Variants in ZNF219 observed in about 807,000 individuals in gnomAD.
ZNF219 encodes zinc finger protein 219.
ZNF219 carries 17 observed loss-of-function variants against 54.4 expected under a neutral mutation model. The ratio of observed to expected loss-of-function variants is 0.31; its 90% CI spans 0.21 to 0.47. ZNF219 has a LOEUF of 0.47. ZNF219 is among the 20% of genes least tolerant of loss of function. The pLI, the probability that ZNF219 is intolerant of heterozygous loss-of-function variation, is 1.00. For missense variants in ZNF219, 1,014 were observed against 1,062.3 expected (o/e 0.95, Z 0.63); for synonymous variants, 518 against 476.4 (o/e 1.09, Z -1.14).
chr14:21,099,546 G>A (rs573800499), upstream of ZNF219, among the ~76,000 whole-genome samples: 90 of 152,350 alleles, frequency 5.9e-4, no homozygotes, highest in African/African-American at 1.9e-3. Context: ...TGATGGGGCA[G>A]GAGTGGCTTA....
chr14:21,090,751 G>A lies in ZNF219; in HGVS notation c.1954C>T (p.Pro652Ser), dbSNP rs775590889. The A allele has an allele frequency of 7.5e-6, 12 of 1,606,548 alleles. No homozygotes were observed. The African/African-American group carries it at 1.5e-4, about 20-fold the overall frequency. The part of the protein sequence containing the change: ...GGALHRCLFC[P>S]FATGAPELMA... ...AGCTCTGGGGCTCCAGTGGCGAACGGGCAGAAGAGGCAGCGGTGGAGGGCA... is the reference window on the plus strand; with the variant it reads ...AGCTCTGGGGCTCCAGTGGCGAACGAGCAGAAGAGGCAGCGGTGGAGGGCA... Residue 652 changes from proline to serine, a missense_variant, in exon 5 of 5, where the codon CCG becomes TCG. This residue lies in a region of ZNF219 where 281 missense variants were observed against 271.2 expected (regional missense o/e 1.04). Transcript: ENST00000360947. This position sits in a 1 kb window ranked among gnomAD's most constrained non-coding sequence, Gnocchi z 4.4.
At position 21,090,891 on chromosome 14, in the gene ZNF219, G is replaced by C. The variant is rs1320525436; in HGVS notation, c.1814C>G (p.Ser605Cys). 7 of 1,550,178 alleles carry C rather than the reference G, an allele frequency of 4.5e-6. No individual in the cohort carries two copies. Among genetic ancestry groups the C allele is most frequent in the Non-Finnish European group, 6.1e-6 (7 of 1,150,460 alleles). Residue 605 changes from serine to cysteine, a missense_variant, in exon 5 of 5, where the codon TCC becomes TGC. Ser to Cys is a moderately radical substitution (Grantham distance 112). Transcript: ENST00000360947. The surrounding 1 kb of genome is among the most constrained non-coding windows in gnomAD (Gnocchi z 4.4). Reference sequence around the variant, plus strand: ...CCCAGGGCTGGCGGGCTTCCGACGGGACCCCGGCCCAGCACCGCTAGAAGG... The same window carrying C: ...CCCAGGGCTGGCGGGCTTCCGACGGCACCCCGGCCCAGCACCGCTAGAAGG... ...RPPSSGAGPG[S>C]RRKPASPGRT...
In ZNF219 at chr14:21,092,053, G is replaced by C. The variant is rs1419564822; in HGVS notation, c.1244C>G (p.Pro415Arg). Reference sequence around the variant, plus strand: ...CGCACGGTGCCGGCGAGCCCGGGCCGGGAGAGCAGAGGACAGCGGGCGGAA... The same window carrying C: ...CGCACGGTGCCGGCGAGCCCGGGCCCGGAGAGCAGAGGACAGCGGGCGGAA... Reference protein sequence around the residue: ...GGFRPLSSALPARARRHRAEE... With the variant: ...GGFRPLSSALRARARRHRAEE... The change falls in exon 3 of 5, where the codon CCG becomes CGG. Residue 415 changes from proline to arginine, a missense_variant. Around this residue, in one of 5 missense-constraint regions of ZNF219, gnomAD observed 272 missense variants for 248.9 expected, o/e 1.09. Transcript: ENST00000360947. 2 of 1,545,008 alleles carry C rather than the reference G, an allele frequency of 1.3e-6. No individual in the cohort carries two copies. The highest frequency in any genetic ancestry group is 2.0e-5 in the Admixed American group (1 of 50,386).
upstream of ZNF219, chr14:21,101,743 G>C: frequency 1.3e-6 from 1 of 768,922 alleles, no homozygotes; most frequent in East Asian, 2.7e-5. Context: ...CCTTGCTCTG[G>C]GTTGACTGCT....
upstream of ZNF219, chr14:21,101,585 G>A: frequency 1.2e-6 from 1 of 826,674 alleles, no homozygotes. Context: ...AATGGGAGGA[G>A]GGTAGAGGAA....
intron 1 of ZNF219, chr14:21,094,401 T>C (rs7149011): frequency 0.55 from 251,393 of 455,264 alleles, 74,723 homozygotes; most frequent in Non-Finnish European, 0.65. Flanking sequence ...CGTATAGGAT[T>C]CATCCCCTTG....
At chr14:21,101,701 A>G, upstream of ZNF219, 6 of 675,522 alleles carry the variant, frequency 8.9e-6, no homozygotes, top group Non-Finnish European at 1.2e-5. Context: ...GGCAGAAAAA[A>G]TTAAATGATA....
chr14:21,091,551 C>T lies in ZNF219; in HGVS notation c.1433-9G>A. The T allele has an allele frequency of 6.3e-7, 1 of 1,591,592 alleles. No individual in the cohort carries two copies. Among genetic ancestry groups the T allele is most frequent in the Non-Finnish European group, 8.6e-7 (1 of 1,162,464 alleles). ...CAACAGCCCATTCTCTTCTGCAACA[C>T]ATACGTTAAGAGGAAGTCAGGGGGG... On this transcript the variant is annotated splice_polypyrimidine_tract_variant and intron_variant, in intron 3 of 4. Coordinates refer to ENST00000360947, the MANE Select transcript of ZNF219 (RefSeq NM_016423.3).
At chr14:21,102,493 C>G (rs1045321026), upstream of ZNF219, 10 of 1,551,684 alleles carry the variant, frequency 6.4e-6, no homozygotes, top group South Asian at 1.2e-4. Flanking sequence ...GCCTTGGGGC[C>G]TGCCCCAACT....
At chr14:21,091,626 G>A in intron 3 of ZNF219, 84 bp from the exon 4 acceptor site, 2 of 1,514,722 alleles carry the variant, frequency 1.3e-6, no homozygotes, top group Non-Finnish European at 1.8e-6. Context: ...CATCCCATAG[G>A]GCTGCTTCCC....
Position 21,090,739 on chromosome 14 carries a change from C to T in ZNF219, c.1966G>A (p.Gly656Arg). 1 of 1,609,032 alleles carries T rather than the reference C, an allele frequency of 6.2e-7. No individual in the cohort carries two copies. The change falls in exon 5 of 5, where the codon GGA (glycine) becomes AGA (arginine). Residue 656 changes from glycine (G) to arginine (R), a missense_variant. Gly to Arg is a moderately radical substitution (Grantham distance 125, BLOSUM62 -2). Coordinates refer to ENST00000360947, the MANE Select transcript of ZNF219 (RefSeq NM_016423.3). The surrounding 1 kb of genome is among the most constrained non-coding windows in gnomAD (Gnocchi z 4.4). ...TGCAAGGCCATGAGCTCTGGGGCTC[C>T]AGTGGCGAACGGGCAGAAGAGGCAG... ...HRCLFCPFAT[G>R]APELMALHLQ...
At chr14:21,093,713 T>C (rs760072080) in intron 1 of ZNF219, 39 bp from the exon 2 acceptor site, 39 of 1,586,630 alleles carry the variant, frequency 2.5e-5, no homozygotes, top group South Asian at 2.2e-4. Flanking sequence ...AGATGAGCCC[T>C]AGTTTTCAGC....
upstream of ZNF219, chr14:21,102,990 A>T: frequency 7.1e-7 from 1 of 1,409,720 alleles, no homozygotes; most frequent in Non-Finnish European, 9.6e-7. Flanking sequence ...TGAGGTTAAA[A>T]GAGTGGGAAA....
At position 21,092,066 on chromosome 14, in the gene ZNF219, A is replaced by G. The variant is rs1888943562; in HGVS notation, c.1231T>C (p.Ser411Pro). 6.5e-7 allele frequency: 1 copy of G among 1,540,268 alleles called. No individual in the cohort carries two copies. The highest frequency in any genetic ancestry group is 2.5e-5 in the East Asian group (1 of 40,186). The change falls in exon 3 of 5, where the codon TCC becomes CCC. Residue 411 changes from serine to proline, a missense_variant. Transcript: ENST00000360947. ...GRSFGGFRPL[S>P]SALPARARRH... ...CGAGCCCGGGCCGGGAGAGCAGAGGACAGCGGGCGGAAGCCTCCGAAGCTG... is the reference window on the plus strand; with the variant it reads ...CGAGCCCGGGCCGGGAGAGCAGAGGGCAGCGGGCGGAAGCCTCCGAAGCTG...
chr14:21,091,295 T>G (rs921726323), intron 4 of ZNF219, 116 bp downstream of exon 4: 1 of 1,515,982 alleles, frequency 6.6e-7, no homozygotes, highest in African/African-American at 1.4e-5. Flanking sequence ...TCCCAAGTGA[T>G]CTCATCCAGC....
intron 1 of ZNF219, among the ~76,000 whole-genome samples, chr14:21,095,767 A>G (rs1889251562): frequency 6.6e-6 from 1 of 152,112 alleles, no homozygotes; most frequent in South Asian, 2.1e-4. Context: ...TCTGAAAACC[A>G]TAGAAAAAAA....
Position 21,098,367 on chromosome 14 carries a change from G to GGCGGGCC in ZNF219, c.-146_-140dup, listed in dbSNP as rs1438320323. The GGCGGGCC allele has an allele frequency of 1.9e-4, 84 of 448,450 alleles. No homozygotes were observed. The highest frequency in any genetic ancestry group is 2.3e-4 in the Non-Finnish European group (78 of 343,360). 27.8% of individuals were successfully genotyped at this position (448,450 alleles called of 1,614,324 possible). ...GGCGGCGGCGGCGGCGGCGGCGGGC[G>GGCGGGCC]GCGGGCCGGCGGCGCGGGCGTCAGC... On this transcript the variant is annotated 5_prime_UTR_variant, in exon 1 of 5. The change abolishes the stop of an existing upstream ORF in the 5' untranslated region. Transcript: ENST00000360947.
chr14:21,101,178 A>C (rs1000195848), upstream of ZNF219: 10 of 594,118 alleles, frequency 1.7e-5, no homozygotes, highest in Non-Finnish European at 2.9e-5. Context: ...TAGCTGCTTC[A>C]GACTAGGTAG....
Position 21,090,588 on chromosome 14 carries a change from CCCT to C in ZNF219, c.2114_2116del (p.Glu705del). ...CTCTCCGGGTCTGGACAGCCCGGAG[CCCT>C]CCTCCCCTTCCTGCGAAGGACTGGG... On this transcript the variant is annotated inframe_deletion, in exon 5 of 5. Coordinates refer to ENST00000360947, the MANE Select transcript of ZNF219 (RefSeq NM_016423.3). The surrounding 1 kb of genome is among the most constrained non-coding windows in gnomAD (Gnocchi z 4.4). The C allele has an allele frequency of 6.2e-7, 1 of 1,609,358 alleles. No homozygotes were observed.
Sources: allele counts gnomAD v4.1 joint callset (sites outside exome capture counted in the v4.1 genomes callset), GRCh38; gene constraint gnomAD v4.1.1; regional missense constraint gnomAD v4.1.1; non-coding constraint Gnocchi (gnomAD v3.1); transcripts MANE v1.5; gene names NCBI Gene and HGNC (gene_info 2026-07-23, HGNC 2026-07-21).